The following PCNX2 variants were observed in gnomAD, a reference collection of about 807,000 sequenced individuals.
The protein encoded by PCNX2 is pecanex 2.
Under a neutral mutation model 223.8 loss-of-function variants are expected in PCNX2, and 168 were observed. The ratio of observed to expected loss-of-function variants is 0.75; its 90% CI spans 0.66 to 0.85. The LOEUF (loss-of-function observed/expected upper bound fraction) is 0.85. Ranked by LOEUF, PCNX2 falls within the 40% of genes least tolerant of loss-of-function variation. The pLI, the probability that PCNX2 is intolerant of heterozygous loss-of-function variation, is 0.00. For synonymous variants in PCNX2, 1,006 were observed against 1,052.6 expected, an observed-to-expected ratio of 0.96 and a Z score of 0.86; for missense variants, 2,507 against 2,675.5, an observed-to-expected ratio of 0.94 and a Z score of 1.39.
At chr1:233,234,997 GCAGATC>G (rs1658301043) in intron 9 of PCNX2, among the ~76,000 whole-genome samples, 1 of 151,744 alleles carries the variant, frequency 6.6e-6, no homozygotes, top group Non-Finnish European at 1.5e-5. Flanking sequence ...TCAGTGAGTG[GCAGATC>G]CAGCACCTCA....
At chr1:233,128,631 G>T (rs752809645) in intron 21 of PCNX2, among the ~76,000 whole-genome samples, 4 of 152,144 alleles carry the variant, frequency 2.6e-5, no homozygotes, top group African/African-American at 4.8e-5. Context: ...CACTGTGCCC[G>T]GCCAACTATG....
intron 32 of PCNX2, among the ~76,000 whole-genome samples, chr1:232,987,132 T>C (rs56271595): frequency 0.28 from 42,121 of 152,186 alleles, 5,980 homozygotes; most frequent in African/African-American, 0.33. Flanking sequence ...TGGCCAGGCC[T>C]GGGCCTTGCT....
At chr1:233,114,381 T>C (rs529032477) in intron 21 of PCNX2, among the ~76,000 whole-genome samples, 1 of 152,220 alleles carries the variant, frequency 6.6e-6, no homozygotes, top group South Asian at 2.1e-4. Context: ...TCTACCTGGG[T>C]TGGGCATGAG....
At chr1:233,260,158 C>T (rs1485471736) in intron 4 of PCNX2, among the ~76,000 whole-genome samples, 3 of 152,172 alleles carry the variant, frequency 2.0e-5, no homozygotes, top group Non-Finnish European at 4.4e-5. Flanking sequence ...GAATTCTTTG[C>T]TTTACTGCAG....
intron 25 of PCNX2, among the ~76,000 whole-genome samples, chr1:233,030,845 G>A (rs1280160072): frequency 6.6e-6 from 1 of 152,232 alleles, no homozygotes; most frequent in Non-Finnish European, 1.5e-5. Flanking sequence ...CTATGCAAGA[G>A]CAGGTTAGTA....
intron 32 of PCNX2, among the ~76,000 whole-genome samples, chr1:232,995,591 A>T (rs1669847881): frequency 6.6e-6 from 1 of 151,990 alleles, no homozygotes; most frequent in East Asian, 1.9e-4. Context: ...AAGGGGGGAA[A>T]CCCATGATTT....
chr1:233,054,666 A>C, intron 24 of PCNX2, 183 bp from the exon 25 acceptor site: 3 of 558,824 alleles, frequency 5.4e-6, no homozygotes, highest in Non-Finnish European at 9.4e-6. Flanking sequence ...TTTTTCCCTC[A>C]ATATTCTCTC....
chr1:233,294,144 A>C (rs2103032829), intron 1 of PCNX2, among the ~76,000 whole-genome samples: 1 of 152,306 alleles, frequency 6.6e-6, no homozygotes, highest in South Asian at 2.1e-4. Flanking sequence ...ATCAGACCAA[A>C]CAGCTAATAA....
chr1:233,286,580 A>G (rs1289904455), intron 1 of PCNX2, among the ~76,000 whole-genome samples: 1 of 152,042 alleles, frequency 6.6e-6, no homozygotes, highest in Non-Finnish European at 1.5e-5. Context: ...AGCAGAGGAG[A>G]CTGGCACAGA....
chr1:233,022,704 T>C (rs377757423), intron 26 of PCNX2, among the ~76,000 whole-genome samples: 18,674 of 147,632 alleles, frequency 0.13, 1,298 homozygotes, highest in African/African-American at 0.15. Context: ...TCTTTTTTTT[T>C]TTTTTTTTTT....
intron 27 of PCNX2, among the ~76,000 whole-genome samples, chr1:233,015,220 A>C (rs1413716391): frequency 6.6e-6 from 1 of 152,230 alleles, no homozygotes; most frequent in African/African-American, 2.4e-5. Context: ...CTGTGGGTTG[A>C]CTGCTAGACT....
At chr1:233,053,313 C>A (rs1248877486) in intron 25 of PCNX2, among the ~76,000 whole-genome samples, 1 of 152,100 alleles carries the variant, frequency 6.6e-6, no homozygotes, top group African/African-American at 2.4e-5. Context: ...TAGCAGGTAT[C>A]AGTCCCTGCA....
intron 28 of PCNX2, among the ~76,000 whole-genome samples, chr1:233,011,202 C>T (rs910275819): frequency 6.6e-6 from 1 of 152,264 alleles, no homozygotes; most frequent in African/African-American, 2.4e-5. Flanking sequence ...AATAATATAT[C>T]ATGACCAAGT....
intron 21 of PCNX2, among the ~76,000 whole-genome samples, chr1:233,134,031 A>T (rs1676662867): frequency 6.6e-6 from 1 of 152,174 alleles, no homozygotes; most frequent in African/African-American, 2.4e-5. Flanking sequence ...AGAAATAAAG[A>T]TGAACAGAAC....
intron 21 of PCNX2, among the ~76,000 whole-genome samples, chr1:233,106,260 T>C (rs10910660): frequency 0.3 from 45,594 of 151,860 alleles, 7,271 homozygotes; most frequent in African/African-American, 0.38. Context: ...AGCTTCTCCA[T>C]CTTTGAGTTG....
intron 28 of PCNX2, among the ~76,000 whole-genome samples, chr1:233,004,261 C>A (rs1036186526): frequency 6.6e-6 from 1 of 151,962 alleles, no homozygotes. Context: ...CAAGATTATC[C>A]GGGTGTTCAG....
chr1:233,008,696 C>T (rs1381666103), intron 28 of PCNX2, among the ~76,000 whole-genome samples: 1 of 152,204 alleles, frequency 6.6e-6, no homozygotes, highest in Non-Finnish European at 1.5e-5. Flanking sequence ...TCCAAGTAAG[C>T]TGGGCACGGA....
chr1:233,159,075 C>T (rs192908126), intron 19 of PCNX2, among the ~76,000 whole-genome samples: 152 of 152,284 alleles, frequency 1.0e-3, no homozygotes, highest in Non-Finnish European at 1.2e-3. Flanking sequence ...CTATGCAGCT[C>T]CATCTTTATG....
At chr1:233,286,287 G>A (rs1202262300) in intron 1 of PCNX2, among the ~76,000 whole-genome samples, 26 of 151,984 alleles carry the variant, frequency 1.7e-4, no homozygotes, top group Admixed American at 1.7e-3. Context: ...GGGGTAGAAG[G>A]CACCTAATAT....
Sources: gnomAD v4.1 joint callset for allele counts (sites outside exome capture counted in the v4.1 genomes callset) on GRCh38, gnomAD v4.1.1 for gene constraint, MANE v1.5 for transcripts, NCBI Gene and HGNC (gene_info 2026-07-23, HGNC 2026-07-21) for gene names.